The following SARDH variants were observed in gnomAD, a reference collection of about 807,000 sequenced individuals.
SARDH encodes sarcosine dehydrogenase, mitochondrial.
A neutral mutation model predicts 109.1 loss-of-function variants in SARDH; 95 were observed. The ratio of observed to expected loss-of-function variants is 0.87; its 90% CI spans 0.74 to 1.03. The LOEUF (loss-of-function observed/expected upper bound fraction) is 1.03. SARDH is among the 50% of genes least tolerant of loss of function. The pLI is 0.00. For missense variants in SARDH, 1,267 were observed against 1,287.8 expected (o/e 0.98, Z 0.25); for synonymous variants, 572 against 534.8 (o/e 1.07, Z -0.96).
chr9:133,687,533 G>A (rs911453794), intron 16 of SARDH, among the ~76,000 whole-genome samples: 12 of 151,900 alleles, frequency 7.9e-5, no homozygotes, highest in Middle Eastern at 3.2e-3. Context: ...TTATCACCTC[G>A]GCCTCCCAAA....
chr9:133,674,144 G>C (rs1358642555), intron 17 of SARDH, among the ~76,000 whole-genome samples: 1 of 152,250 alleles, frequency 6.6e-6, no homozygotes, highest in Non-Finnish European at 1.5e-5. Flanking sequence ...CAAAGCAGTG[G>C]AGTGGGATCA....
At chr9:133,703,057 C>G (rs377063997) in intron 12 of SARDH, 28 bp from the exon 13 acceptor site, 2 of 1,590,094 alleles carry the variant, frequency 1.3e-6, no homozygotes, top group African/African-American at 2.7e-5. Context: ...GGTCCTCAGC[C>G]TGCCTCTTTG....
chr9:133,712,847 G>A lies in SARDH; in HGVS notation c.1238-138C>T, dbSNP rs1831977342. Reference sequence around the variant, plus strand: ...ACACCTGGGGTGCTGCACGCCTCCTGATTGGACTGCTGCTGGACTGGACCC... The same window carrying A: ...ACACCTGGGGTGCTGCACGCCTCCTAATTGGACTGCTGCTGGACTGGACCC... On this transcript the variant is annotated intron_variant, in intron 9 of 20. Coordinates refer to ENST00000439388, the MANE Select transcript of SARDH (RefSeq NM_001134707.2). This position sits in a 1 kb window ranked among gnomAD's most constrained non-coding sequence, Gnocchi z 4.1. 1 of 946,324 alleles carries A rather than the reference G, an allele frequency of 1.1e-6. No homozygotes were observed. The highest frequency in any genetic ancestry group is 1.6e-6 in the Non-Finnish European group (1 of 624,142). The allele number at this position is 946,324 out of a possible 1,614,324, so 58.6% of individuals were successfully genotyped here.
rs79489028 is a variant in SARDH at position 133,704,099 on chromosome 9, C to T, written c.1554+849G>A. ...CTCCCCGCAGGGTTCATGAGGACGG[C>T]ATGTCCCTAGGGGCCAGCAGGAGAA... On this transcript the variant is annotated intron_variant, in intron 12 of 20. Transcript: ENST00000439388. The surrounding 1 kb of genome is among the most constrained non-coding windows in gnomAD (Gnocchi z 4.5). Among the ~76,000 whole-genome samples the T allele has an allele frequency of 2.2e-3, 338 of 152,226 alleles. 2 individuals are homozygous for T. Among genetic ancestry groups the T allele is most frequent in the African/African-American group, 7.8e-3 (323 of 41,536 alleles).
intron 10 of SARDH, among the ~76,000 whole-genome samples, chr9:133,711,559 G>A (rs1218742179): frequency 1.3e-5 from 2 of 152,226 alleles, no homozygotes; most frequent in Admixed American, 1.3e-4. Flanking sequence ...GCCATGGAGG[G>A]GTGGCAGCTG....
chr9:133,663,538 A>T (rs1829952540), downstream of SARDH: 1 of 303,384 alleles, frequency 3.3e-6, no homozygotes, highest in African/African-American at 2.1e-5. Context: ...GGAGTAAAAG[A>T]TGAAGCCTAT....
At position 133,731,361 on chromosome 9, in the gene SARDH, C is replaced by T; in HGVS notation, c.634G>A (p.Asp212Asn). 3 of 1,614,214 alleles carry T rather than the reference C, an allele frequency of 1.9e-6. No homozygotes were observed. Among genetic ancestry groups the T allele is most frequent in the Non-Finnish European group, 2.5e-6 (3 of 1,180,044 alleles). The change falls in exon 4 of 21, where the codon GAC becomes AAC. Residue 212 changes from aspartate to asparagine, a missense_variant. Physicochemically the swap from Asp to Asn is conservative, Grantham distance 23. Transcript: ENST00000439388. ...AGGGTGGTACAGGTGCCAGCGGGGT[C>T]CATGGTACCGTCGTGCGGCACATAC... ...TLYVPHDGTMDPAGTCTTLAR... is the reference protein window; with the variant it reads ...TLYVPHDGTMNPAGTCTTLAR...
In SARDH at chr9:133,690,491, G is replaced by T; in HGVS notation, c.1958C>A (p.Ala653Asp). The change falls in exon 16 of 21, where the codon GCC becomes GAC. Residue 653 changes from alanine to aspartate, a missense_variant. Physicochemically the swap from Ala to Asp is moderately radical, Grantham distance 126. Coordinates refer to ENST00000439388, the MANE Select transcript of SARDH (RefSeq NM_001134707.2). ...GYYLAMGGAV[A>D]QHNWSHITTV... ...GGTGATGTGGGACCAGTTGTGCTGG[G>T]CCACGGCCCCGCCCATGGCCAGGTA... 1 of 1,610,286 alleles carries T rather than the reference G, an allele frequency of 6.2e-7. No individual in the cohort carries two copies. The highest frequency in any genetic ancestry group is 1.1e-5 in the South Asian group (1 of 91,080).
chr9:133,675,097 A>C (rs577369249), intron 17 of SARDH, among the ~76,000 whole-genome samples: 2 of 152,196 alleles, frequency 1.3e-5, no homozygotes, highest in Non-Finnish European at 2.9e-5. Flanking sequence ...TAATCCCAGC[A>C]CTTTGGGAGA....
intron 13 of SARDH, among the ~76,000 whole-genome samples, chr9:133,701,536 C>T (rs1174951233): frequency 9.2e-5 from 14 of 152,244 alleles, no homozygotes; most frequent in Admixed American, 3.3e-4. Flanking sequence ...GCTTCAGGCG[C>T]GTTTGCGGAG....
intron 12 of SARDH, chr9:133,703,383 C>A (rs947463139): frequency 3.1e-6 from 1 of 325,926 alleles, no homozygotes; most frequent in African/African-American, 2.1e-5. Flanking sequence ...CCAGGCCCAG[C>A]TCCTGCTCTG....
At position 133,667,166 on chromosome 9, in the gene SARDH, G is replaced by A. The variant is rs948495158; in HGVS notation, c.2496-296C>T. The stretch of plus-strand genomic sequence containing the variant: ...TATATTTGGGAGGGCCCCTGCTTCC[G>A]ATTTCCTTCCATTGTTGTTCAACTC... On this transcript the variant is annotated intron_variant, in intron 19 of 20. Coordinates refer to ENST00000439388, the MANE Select transcript of SARDH (RefSeq NM_001134707.2). The A allele has an allele frequency of 1.6e-5, 8 of 512,710 alleles. 1 individual carries two copies. The highest frequency in any genetic ancestry group is 2.8e-5 in the Non-Finnish European group (8 of 290,534). 31.8% of individuals were successfully genotyped at this position (512,710 alleles called of 1,614,324 possible).
At chr9:133,698,067 G>A (rs117970934) in intron 13 of SARDH, among the ~76,000 whole-genome samples, 3,319 of 142,870 alleles carry the variant, frequency 0.023, 65 homozygotes, top group African/African-American at 0.055. Flanking sequence ...ATAGTTCAAC[G>A]AGGTTGCAGG....
At chr9:133,684,160 C>T (rs2131366898) in intron 17 of SARDH, among the ~76,000 whole-genome samples, 1 of 152,354 alleles carries the variant, frequency 6.6e-6, no homozygotes, top group Middle Eastern at 3.4e-3. Context: ...GGCGATCCTG[C>T]CCCCAGCGGA....
At chr9:133,722,274 A>C (rs1588447290) in intron 6 of SARDH, among the ~76,000 whole-genome samples, 1 of 151,656 alleles carries the variant, frequency 6.6e-6, no homozygotes, top group East Asian at 1.9e-4. Flanking sequence ...ATGCATGAGA[A>C]GCATTTGACA....
Position 133,667,194 on chromosome 9 carries a change from G to GTT in SARDH, c.2496-326_2496-325dup, listed in dbSNP as rs59643474. 3.5e-3 allele frequency: 1,109 copies of GTT among 321,276 alleles called. 1 individual carries two copies. Among genetic ancestry groups the GTT allele is most frequent in the Non-Finnish European group, 4.0e-3 (715 of 178,496 alleles). The allele number at this position is 321,276 out of a possible 1,614,324, so 19.9% of individuals were successfully genotyped here. ...TTCCTTCCATTGTTGTTCAACTCTG[G>GTT]TTTTTTTTTTTTTTTTTTTTTTGGT... is the stretch of plus-strand genomic sequence containing the variant. On this transcript the variant is annotated intron_variant, in intron 19 of 20. Coordinates refer to ENST00000439388, the MANE Select transcript of SARDH (RefSeq NM_001134707.2).
intron 13 of SARDH, among the ~76,000 whole-genome samples, chr9:133,700,830 A>C (rs900657453): frequency 1.3e-5 from 2 of 152,112 alleles, no homozygotes; most frequent in South Asian, 2.1e-4. Flanking sequence ...TCTATTCTTC[A>C]CTGTATGTTC....
chr9:133,669,294 C>T (rs1455201353), intron 19 of SARDH, among the ~76,000 whole-genome samples: 1 of 32,454 alleles, frequency 3.1e-5, no homozygotes, highest in Non-Finnish European at 6.1e-5. Context: ...CTCCCTCACC[C>T]TCCCTCTCCC....
rs1830850849 is a variant in SARDH at position 133,685,399 on chromosome 9, G to A, written c.2070-113C>T. On this transcript the variant is annotated intron_variant, in intron 16 of 20. Coordinates refer to ENST00000439388, the MANE Select transcript of SARDH (RefSeq NM_001134707.2). The stretch of plus-strand genomic sequence containing the variant: ...GATAAGTCCCTGTCCTCATGAGACA[G>A]ATGACAATAAACATGGATTAATAAA... 5 of 710,412 alleles carry A rather than the reference G, an allele frequency of 7.0e-6. No homozygotes were observed. In the South Asian group the frequency reaches 9.1e-5, roughly 13 times the overall value. The allele number at this position is 710,412 out of a possible 1,614,324, so 44.0% of individuals were successfully genotyped here. A position where few individuals can be genotyped will look rare whatever the true frequency, so the allele number is the denominator to read the frequency against.
Sources: gnomAD v4.1 joint callset for allele counts (sites outside exome capture counted in the v4.1 genomes callset) on GRCh38, gnomAD v4.1.1 for gene constraint, Gnocchi (gnomAD v3.1) non-coding constraint, MANE v1.5 for transcripts, NCBI Gene and HGNC (gene_info 2026-07-23, HGNC 2026-07-21) for gene names.